The following PKIB variants were observed in gnomAD, a reference collection of about 807,000 sequenced individuals.
PKIB encodes PKI-beta.
PKIB carries 2 observed loss-of-function variants against 4.5 expected under a neutral mutation model. That is an observed-to-expected ratio of 0.44 (90% CI 0.18 to 1.39). PKIB has a LOEUF of 1.39. Among genes scored for constraint, PKIB ranks in the 40% most tolerant of loss-of-function variants. PKIB has a pLI of 0.27. For synonymous variants in PKIB, 38 were observed against 36.0 expected (o/e 1.06, Z -0.20); for missense variants, 94 against 92.6 (o/e 1.02, Z -0.06).
chr6:122,661,635 T>C (rs1776995842), intron 2 of PKIB, among the ~76,000 whole-genome samples: 1 of 152,206 alleles, frequency 6.6e-6, no homozygotes. Context: ...TTTTGGCTAT[T>C]ATGAGTAACA....
chr6:122,602,640 C>T (rs369883712), intron 3 of PKIB, among the ~76,000 whole-genome samples: 217 of 152,056 alleles, frequency 1.4e-3, no homozygotes, highest in Non-Finnish European at 2.6e-3. Flanking sequence ...GTTGGCCAGG[C>T]GTGGTGGCAC....
chr6:122,501,191 A>T (rs2114558776), intron 2 of PKIB, among the ~76,000 whole-genome samples: 1 of 152,320 alleles, frequency 6.6e-6, no homozygotes, highest in African/African-American at 2.4e-5. Context: ...ATTAACTTAA[A>T]AGTCCAACTC....
intron 4 of PKIB, 53 bp downstream of exon 4, chr6:122,718,016 G>A (rs1267768839): frequency 5.8e-6 from 9 of 1,548,802 alleles, no homozygotes; most frequent in Non-Finnish European, 7.9e-6. Flanking sequence ...TCTTAACCAA[G>A]CCTTTTCTCT....
At chr6:122,501,740 A>G (rs1302472304) in intron 2 of PKIB, among the ~76,000 whole-genome samples, 2 of 152,016 alleles carry the variant, frequency 1.3e-5, no homozygotes, top group East Asian at 3.9e-4. Flanking sequence ...GCTGAAGGCA[A>G]TTTCCTCATT....
At chr6:122,537,767 T>C (rs975488064) in intron 2 of PKIB, among the ~76,000 whole-genome samples, 1 of 152,130 alleles carries the variant, frequency 6.6e-6, no homozygotes, top group Non-Finnish European at 1.5e-5. Flanking sequence ...ACTTCCACAA[T>C]GGTTGAACTA....
At position 122,523,660 on chromosome 6, in the gene PKIB, G is replaced by GT. The variant is rs548895388; in HGVS notation, c.-248+45722dup. Among the ~76,000 whole-genome samples the GT allele has an allele frequency of 2.2e-3, 331 of 152,136 alleles. 7 individuals carry two copies. The highest frequency in any genetic ancestry group is 0.019 in the Admixed American group (296 of 15,280). On this transcript the variant is annotated intron_variant, in intron 2 of 6. Transcript: ENST00000392491. ...TAGTGGGGCATGGTGGTGGGTGCCT[G>GT]TAACTCTAGCTACTTGGGAGGCTGA...
intron 2 of PKIB, among the ~76,000 whole-genome samples, chr6:122,526,848 A>G (rs1777104472): frequency 6.6e-6 from 1 of 152,162 alleles, no homozygotes; most frequent in South Asian, 2.1e-4. Flanking sequence ...AGTCATCCTC[A>G]TTGTAAGAGT....
intron 3 of PKIB, among the ~76,000 whole-genome samples, chr6:122,691,696 A>G (rs6902107): frequency 0.48 from 72,901 of 151,696 alleles, 18,276 homozygotes; most frequent in Non-Finnish European, 0.56. Flanking sequence ...GGTCCCTGGT[A>G]GCTTATTTAG....
chr6:122,501,943 T>G (rs1184253724), intron 2 of PKIB, among the ~76,000 whole-genome samples: 1 of 151,128 alleles, frequency 6.6e-6, no homozygotes, highest in Non-Finnish European at 1.5e-5. Context: ...TTTTTTTTTT[T>G]TTTTTTAATT....
chr6:122,525,520 T>C (rs1777070031), intron 2 of PKIB, among the ~76,000 whole-genome samples: 1 of 152,166 alleles, frequency 6.6e-6, no homozygotes, highest in Admixed American at 6.6e-5. Flanking sequence ...TTGGAGATAT[T>C]GTGGGTTCAA....
intron 2 of PKIB, among the ~76,000 whole-genome samples, chr6:122,534,328 T>C (rs2114623131): frequency 6.6e-6 from 1 of 152,090 alleles, no homozygotes; most frequent in Middle Eastern, 3.4e-3. Flanking sequence ...TTTGGTTGGC[T>C]AAGGCAGATG....
chr6:122,526,921 T>G (rs1777108025), intron 2 of PKIB, among the ~76,000 whole-genome samples: 1 of 152,182 alleles, frequency 6.6e-6, no homozygotes, highest in Non-Finnish European at 1.5e-5. Flanking sequence ...TAAGGTTGTT[T>G]TGTCTACATT....
chr6:122,545,506 T>C (rs1476665431), intron 2 of PKIB, among the ~76,000 whole-genome samples: 1 of 151,684 alleles, frequency 6.6e-6, no homozygotes, highest in African/African-American at 2.4e-5. Context: ...AATTGCGTGA[T>C]GCAGGGGCTT....
At chr6:122,641,155 C>G (rs1776104969) in intron 2 of PKIB, among the ~76,000 whole-genome samples, 1 of 152,146 alleles carries the variant, frequency 6.6e-6, no homozygotes, top group African/African-American at 2.4e-5. Context: ...TTTATACAAC[C>G]ATTCCAATAT....
chr6:122,635,894 G>GA (rs1359207062), intron 2 of PKIB, among the ~76,000 whole-genome samples: 3 of 152,056 alleles, frequency 2.0e-5, no homozygotes, highest in Non-Finnish European at 4.4e-5. Context: ...CAAGAAAGCA[G>GA]AAAAACCCTA....
At chr6:122,542,902 C>G (rs1382049382) in intron 2 of PKIB, among the ~76,000 whole-genome samples, 1 of 152,132 alleles carries the variant, frequency 6.6e-6, no homozygotes, top group Non-Finnish European at 1.5e-5. Context: ...TTTACCTAAT[C>G]AAGCCTGGGC....
At chr6:122,489,234 ATTATTATTATTATTG>A (rs1317423957) in intron 2 of PKIB, among the ~76,000 whole-genome samples, 1 of 150,526 alleles carries the variant, frequency 6.6e-6, no homozygotes, top group African/African-American at 2.4e-5. Flanking sequence ...TATTATTATT[ATTATTATTATTATTG>A]TTATTATTAT....
At chr6:122,491,820 C>T (rs900229064) in intron 2 of PKIB, among the ~76,000 whole-genome samples, 1 of 152,094 alleles carries the variant, frequency 6.6e-6, no homozygotes, top group African/African-American at 2.4e-5. Flanking sequence ...TATTTCTGTA[C>T]CTTGTTTTTA....
At chr6:122,606,548 G>A (rs1296714388), upstream of PKIB, among the ~76,000 whole-genome samples, 1 of 130,626 alleles carries the variant, frequency 7.7e-6, no homozygotes, top group African/African-American at 2.9e-5. Context: ...CTCCAGCCTG[G>A]GTGACAGAGT....
Sources: gnomAD v4.1 joint callset for allele counts (sites outside exome capture counted in the v4.1 genomes callset) on GRCh38, gnomAD v4.1.1 for gene constraint, MANE v1.5 for transcripts, NCBI Gene and HGNC (gene_info 2026-07-23, HGNC 2026-07-21) for gene names.